Variants in PACSIN2 observed in about 807,000 individuals in gnomAD.
The protein encoded by PACSIN2 is protein kinase C and casein kinase substrate in neurons 2, also known as protein kinase C and casein kinase substrate in neurons protein 2.
A neutral mutation model predicts 63.8 loss-of-function variants in PACSIN2; 25 were observed. That is an observed-to-expected ratio of 0.39 (90% CI 0.29 to 0.55). The LOEUF (loss-of-function observed/expected upper bound fraction) is 0.55. PACSIN2 is among the 20% of genes least tolerant of loss of function. The pLI is 0.62. For synonymous variants in PACSIN2, 255 were observed against 256.2 expected (o/e 1.00, Z 0.05); for missense variants, 518 against 646.9 (o/e 0.80, Z 2.16).
At chr22:42,890,825 A>G (rs1602191644) in intron 4 of PACSIN2, 122 bp downstream of exon 4, 2 of 708,978 alleles carry the variant, frequency 2.8e-6, no homozygotes, top group South Asian at 1.8e-5. Flanking sequence ...CTTCATCTCT[A>G]CCAGGTCTGG....
chr22:42,988,827 C>T (rs1355020657), intron 1 of PACSIN2, among the ~76,000 whole-genome samples: 1 of 152,160 alleles, frequency 6.6e-6, no homozygotes, highest in Non-Finnish European at 1.5e-5. Context: ...AATGACATCA[C>T]ATGCATTTGG....
At chr22:42,913,480 C>CAAAAAAA (rs138842796) in intron 1 of PACSIN2, among the ~76,000 whole-genome samples, 1 of 93,150 alleles carries the variant, frequency 1.1e-5, no homozygotes, top group Non-Finnish European at 2.2e-5. Flanking sequence ...ACTCCGTCTC[C>CAAAAAAA]AAAAAAAAAA....
At chr22:42,951,311 A>G (rs1047920773) in intron 1 of PACSIN2, among the ~76,000 whole-genome samples, 4 of 152,074 alleles carry the variant, frequency 2.6e-5, no homozygotes, top group Admixed American at 2.6e-4. Flanking sequence ...AAAGCACCCA[A>G]TTGGTGCCCT....
chr22:42,958,034 A>T (rs1437883468), intron 1 of PACSIN2, among the ~76,000 whole-genome samples: 1 of 152,156 alleles, frequency 6.6e-6, no homozygotes, highest in East Asian at 1.9e-4. Flanking sequence ...ACAGCAAAAA[A>T]GTTATTGAAT....
At chr22:42,997,566 A>C (rs1010823496) in intron 1 of PACSIN2, among the ~76,000 whole-genome samples, 21 of 150,640 alleles carry the variant, frequency 1.4e-4, no homozygotes, top group East Asian at 5.9e-4. Flanking sequence ...AAAAAAAAAA[A>C]CAATAAATAA....
At chr22:42,917,927 CTCTA>C (rs1423181037) in intron 1 of PACSIN2, among the ~76,000 whole-genome samples, 2 of 152,130 alleles carry the variant, frequency 1.3e-5, no homozygotes, top group Non-Finnish European at 2.9e-5. Context: ...CCTGGCTATG[CTCTA>C]TCTTTTTATG....
chr22:42,952,333 T>C, intron 1 of PACSIN2, among the ~76,000 whole-genome samples: 1 of 151,532 alleles, frequency 6.6e-6, no homozygotes, highest in Admixed American at 6.6e-5. Flanking sequence ...ATTATTTTAT[T>C]TTATTTATTT....
chr22:42,996,941 C>A (rs879922924), intron 1 of PACSIN2, among the ~76,000 whole-genome samples: 1 of 152,160 alleles, frequency 6.6e-6, no homozygotes, highest in Non-Finnish European at 1.5e-5. Flanking sequence ...ACACCTGGCA[C>A]AAAATGAGCC....
Position 42,879,246 on chromosome 22 carries a change from C to T in PACSIN2, c.907-77G>A, listed in dbSNP as rs544207430. On this transcript the variant is annotated intron_variant, in intron 7 of 10. Transcript: ENST00000263246. Reference sequence around the variant, plus strand: ...AGCCACGTCTGTCCTCAGTTCCTGCCCAGCGAGCCTGCAGTTGGCTCTGTG... The same window carrying T: ...AGCCACGTCTGTCCTCAGTTCCTGCTCAGCGAGCCTGCAGTTGGCTCTGTG... The T allele has an allele frequency of 2.0e-6, 3 of 1,498,402 alleles. No homozygotes were observed. In the South Asian group the frequency reaches 3.7e-5, roughly 19 times the overall value. 92.8% of individuals were successfully genotyped at this position (1,498,402 alleles called of 1,614,324 possible).
intron 8 of PACSIN2, among the ~76,000 whole-genome samples, chr22:42,878,235 C>G (rs1397983430): frequency 2.0e-5 from 3 of 152,226 alleles, no homozygotes; most frequent in Non-Finnish European, 4.4e-5. Context: ...TGGCCTGATC[C>G]CTGGGACAGG....
At chr22:42,969,937 A>C (rs942019647) in intron 1 of PACSIN2, among the ~76,000 whole-genome samples, 2 of 151,624 alleles carry the variant, frequency 1.3e-5, no homozygotes, top group Non-Finnish European at 1.5e-5. Context: ...AAAAAAGAAA[A>C]GAAACTAGAA....
chr22:42,992,992 C>T (rs942826294), intron 1 of PACSIN2, among the ~76,000 whole-genome samples: 5 of 152,136 alleles, frequency 3.3e-5, no homozygotes, highest in East Asian at 1.9e-4. Flanking sequence ...AGTGAAGCCC[C>T]GTCTCTACTA....
intron 1 of PACSIN2, among the ~76,000 whole-genome samples, chr22:42,936,450 A>G (rs567187205): frequency 6.6e-6 from 1 of 152,196 alleles, no homozygotes; most frequent in Non-Finnish European, 1.5e-5. Context: ...TCCCTTGTTC[A>G]TGGAGCAGAT....
intron 1 of PACSIN2, among the ~76,000 whole-genome samples, chr22:42,925,133 G>C (rs1047028991): frequency 6.6e-6 from 1 of 151,320 alleles, no homozygotes; most frequent in Non-Finnish European, 1.5e-5. Context: ...ACCTCCTAAC[G>C]AGCTACATAA....
intron 10 of PACSIN2, among the ~76,000 whole-genome samples, chr22:42,875,685 C>T (rs941365532): frequency 5.3e-5 from 8 of 152,054 alleles, no homozygotes; most frequent in East Asian, 1.9e-4. Flanking sequence ...ATAGATGCCC[C>T]GCCACACGCC....
chr22:42,999,566 G>C (rs1331130450), intron 1 of PACSIN2, among the ~76,000 whole-genome samples: 1 of 152,216 alleles, frequency 6.6e-6, no homozygotes, highest in East Asian at 1.9e-4. Context: ...CTACTTGGGA[G>C]GCTGAAGAAG....
chr22:42,893,230 C>T (rs2076157), intron 3 of PACSIN2, among the ~76,000 whole-genome samples: 28,267 of 152,220 alleles, frequency 0.19, 4,241 homozygotes, highest in East Asian at 0.55. Context: ...GGCTATAGTC[C>T]TGTGTCCCCA....
chr22:42,965,348 T>C (rs755145417), intron 1 of PACSIN2, among the ~76,000 whole-genome samples: 2 of 152,202 alleles, frequency 1.3e-5, no homozygotes, highest in African/African-American at 2.4e-5. Flanking sequence ...GACTGAGTCA[T>C]ACAGGTGTTT....
At chr22:42,958,638 G>A (rs748085486) in intron 1 of PACSIN2, among the ~76,000 whole-genome samples, 13 of 152,076 alleles carry the variant, frequency 8.5e-5, no homozygotes, top group East Asian at 3.8e-4. Context: ...GATTAAGGTC[G>A]GACAGACATA....
Sources: gnomAD v4.1 joint callset for allele counts (sites outside exome capture counted in the v4.1 genomes callset) on GRCh38, gnomAD v4.1.1 for gene constraint, MANE v1.5 for transcripts, NCBI Gene and HGNC (gene_info 2026-07-23, HGNC 2026-07-21) for gene names.